The following RGS7 variants were observed in gnomAD, a reference collection of about 807,000 sequenced individuals.
RGS7 encodes regulator of G protein signaling 7.
Under a neutral mutation model 81.1 loss-of-function variants are expected in RGS7, and 27 were observed. The observed-to-expected ratio is 0.33, with a 90% confidence interval of 0.25 to 0.46. The LOEUF (loss-of-function observed/expected upper bound fraction) is 0.46, where lower values mean the gene tolerates loss of function less well. Ranked by LOEUF, RGS7 falls within the 20% of genes least tolerant of loss-of-function variation. RGS7 has a pLI of 1.00. For synonymous variants in RGS7, 208 were observed against 207.7 expected, an observed-to-expected ratio of 1.00 and a Z score of -0.01; for missense variants, 396 against 607.4, an observed-to-expected ratio of 0.65 and a Z score of 3.66.
intron 2 of RGS7, among the ~76,000 whole-genome samples, chr1:241,341,502 C>G (rs1358770477): frequency 2.6e-5 from 4 of 151,688 alleles, no homozygotes; most frequent in African/African-American, 4.8e-5. Flanking sequence ...TTACATGCTG[C>G]TAGTCCTTTA....
chr1:241,291,538 A>C (rs193164432), intron 2 of RGS7, among the ~76,000 whole-genome samples: 26 of 125,626 alleles, frequency 2.1e-4, no homozygotes, highest in Admixed American at 1.8e-3. Flanking sequence ...GGCAAGCCTT[A>C]TCTTTCCCTT....
At chr1:241,038,921 C>T (rs561084155) in intron 3 of RGS7, among the ~76,000 whole-genome samples, 1 of 151,860 alleles carries the variant, frequency 6.6e-6, no homozygotes, top group South Asian at 2.1e-4. Flanking sequence ...GAGCTGTGAT[C>T]GCACCATTGC....
In RGS7 at chr1:241,298,515, AT is replaced by A. The variant is rs573328248; in HGVS notation, c.78+57183del. On this transcript the variant is annotated intron_variant, in intron 2 of 18. Transcript: ENST00000440928. The stretch of plus-strand genomic sequence containing the variant: ...TTCTCTACTTTATCTTTTCAACTAA[AT>A]CACGCCTTCTGACACTACATTCCCT... Among the ~76,000 whole-genome samples the A allele has an allele frequency of 2.0e-3, 309 of 152,292 alleles. 2 individuals carry two copies. The highest frequency in any genetic ancestry group is 7.1e-3 in the Admixed American group (108 of 15,302).
Position 240,903,940 on chromosome 1 carries a change from C to T in RGS7, c.385+26777G>A, listed in dbSNP as rs141371180. 5.9e-5 allele frequency among the ~76,000 whole-genome samples: 9 copies of T among 152,332 alleles called. No individual in the cohort carries two copies. The East Asian group carries it at 1.7e-3, about 29-fold the overall frequency. ...GCCTCACCAGAAGCAGGTGCTGGTG[C>T]CATGCTTCTTGTACAGTCTGCAGAA... On this transcript the variant is annotated intron_variant, in intron 6 of 18. Transcript: ENST00000440928.
chr1:240,979,545 G>A (rs552613108), intron 4 of RGS7, among the ~76,000 whole-genome samples: 18 of 152,260 alleles, frequency 1.2e-4, no homozygotes, highest in African/African-American at 3.6e-4. Flanking sequence ...TGGAAAAATC[G>A]GGGTTCCATT....
At chr1:241,140,234 G>T (rs978906357) in intron 2 of RGS7, among the ~76,000 whole-genome samples, 8 of 152,132 alleles carry the variant, frequency 5.3e-5, no homozygotes, top group Non-Finnish European at 1.0e-4. Context: ...TCCCTGCCTA[G>T]TTTTTAATTC....
rs1676704522 is a variant in RGS7 at position 240,936,772 on chromosome 1, A to C, written c.227-66T>G. The C allele has an allele frequency of 3.3e-6, 4 of 1,229,334 alleles. No homozygotes were observed. The East Asian group carries it at 9.3e-5, about 29-fold the overall frequency. 76.2% of individuals were successfully genotyped at this position (1,229,334 alleles called of 1,614,324 possible). A position where few individuals can be genotyped will look rare whatever the true frequency, so the allele number is the denominator to read the frequency against. ...TAAATGTATTCTTTTATAGGAATGT[A>C]ACGTTTTTGTGTGGTTCCTTTTGTC... On this transcript the variant is annotated intron_variant, in intron 4 of 18. Transcript: ENST00000440928.
At position 240,868,338 on chromosome 1, in the gene RGS7, C is replaced by T. The variant is rs554697741; in HGVS notation, c.609+249G>A. On this transcript the variant is annotated intron_variant, in intron 9 of 18. Coordinates refer to ENST00000440928, the MANE Select transcript of RGS7 (RefSeq NM_001364886.1). This position sits in a 1 kb window ranked among gnomAD's most constrained non-coding sequence, Gnocchi z 5.1. The stretch of plus-strand genomic sequence containing the variant: ...CAAATGTATACAGAAGCATCAGATA[C>T]CTTCAAATAGCAAGAGAGTAAGCAA... 3.5e-4 allele frequency among the ~76,000 whole-genome samples: 53 copies of T among 152,156 alleles called. No homozygotes were observed. Among genetic ancestry groups the T allele is most frequent in the African/African-American group, 1.2e-3 (50 of 41,522 alleles).
At chr1:241,261,509 G>A (rs970127652) in intron 2 of RGS7, among the ~76,000 whole-genome samples, 6 of 151,848 alleles carry the variant, frequency 4.0e-5, no homozygotes, top group Non-Finnish European at 7.4e-5. Context: ...CGTGCCTGTA[G>A]TCTCAGCTAC....
chr1:240,980,862 G>A (rs1306189858), intron 4 of RGS7, among the ~76,000 whole-genome samples: 1 of 152,130 alleles, frequency 6.6e-6, no homozygotes, highest in Non-Finnish European at 1.5e-5. Flanking sequence ...TATGACTACA[G>A]AACATGTATG....
chr1:240,812,085 G>T (rs757853751), intron 13 of RGS7, 42 bp from the exon 14 acceptor site: 1 of 1,612,342 alleles, frequency 6.2e-7, no homozygotes, highest in Non-Finnish European at 8.5e-7. Context: ...CCTTTCATTA[G>T]AATTCCCATT....
intron 18 of RGS7, among the ~76,000 whole-genome samples, chr1:240,799,355 T>TG (rs1373431066): frequency 1.1e-4 from 16 of 150,928 alleles, no homozygotes; most frequent in Admixed American, 9.9e-4. Flanking sequence ...TCCAGTTGTT[T>TG]TTTTTTTTTC....
chr1:240,905,732 C>A (rs1572694383), intron 6 of RGS7, among the ~76,000 whole-genome samples: 1 of 152,132 alleles, frequency 6.6e-6, no homozygotes, highest in Non-Finnish European at 1.5e-5. Flanking sequence ...AAGAATTAGT[C>A]ATCAGGGGAA....
chr1:240,916,622 G>A (rs1009641285), intron 6 of RGS7, among the ~76,000 whole-genome samples: 2 of 152,102 alleles, frequency 1.3e-5, no homozygotes, highest in Non-Finnish European at 2.9e-5. Context: ...AATCCAATAT[G>A]ACTGGTGTTG....
At chr1:241,037,811 T>C (rs1170006114) in intron 3 of RGS7, among the ~76,000 whole-genome samples, 1 of 152,068 alleles carries the variant, frequency 6.6e-6, no homozygotes, top group East Asian at 1.9e-4. Context: ...ATAATGACTT[T>C]TGCAGCAAAT....
chr1:241,192,685 T>A (rs1341118799), intron 2 of RGS7, among the ~76,000 whole-genome samples: 1 of 151,970 alleles, frequency 6.6e-6, no homozygotes, highest in Non-Finnish European at 1.5e-5. Flanking sequence ...CTATTCCCCA[T>A]CAGAAAAGAG....
intron 10 of RGS7, among the ~76,000 whole-genome samples, chr1:240,817,757 C>G (rs1353624010): frequency 6.6e-6 from 1 of 152,166 alleles, no homozygotes; most frequent in Non-Finnish European, 1.5e-5. Context: ...CACGTGCCAC[C>G]ACACCCGGCT....
intron 2 of RGS7, among the ~76,000 whole-genome samples, chr1:241,190,717 T>A (rs2072574870): frequency 2.0e-5 from 3 of 152,222 alleles, no homozygotes; most frequent in Admixed American, 1.3e-4. Flanking sequence ...GATGTTTTTG[T>A]AGATTTTTTT....
chr1:241,243,663 T>C (rs2076373496), intron 2 of RGS7, among the ~76,000 whole-genome samples: 1 of 152,150 alleles, frequency 6.6e-6, no homozygotes, highest in African/African-American at 2.4e-5. Flanking sequence ...TACAGAGGGA[T>C]AAAGGAAATT....
Sources: gnomAD v4.1 joint callset for allele counts (sites outside exome capture counted in the v4.1 genomes callset) on GRCh38, gnomAD v4.1.1 for gene constraint, Gnocchi (gnomAD v3.1) non-coding constraint, MANE v1.5 for transcripts, NCBI Gene and HGNC (gene_info 2026-07-23, HGNC 2026-07-21) for gene names.